Variants in SLIT2 observed in about 807,000 individuals in gnomAD.
The protein encoded by SLIT2 is slit guidance ligand 2, also known as slit homolog 2 protein.
Under a neutral mutation model 185.7 loss-of-function variants are expected in SLIT2, and 41 were observed. The observed-to-expected ratio is 0.22, with a 90% CI of 0.17 to 0.29. The LOEUF (loss-of-function observed/expected upper bound fraction) is 0.29. SLIT2 is among the 10% of genes least tolerant of loss of function. The pLI is 1.00. For synonymous variants in SLIT2, 693 were observed against 680.2 expected, an observed-to-expected ratio of 1.02 and a Z score of -0.29; for missense variants, 1,571 against 1,909.0, an observed-to-expected ratio of 0.82 and a Z score of 3.30.
At chr4:20,419,820 A>G (rs1441928283) in intron 4 of SLIT2, among the ~76,000 whole-genome samples, 2 of 152,002 alleles carry the variant, frequency 1.3e-5, no homozygotes, top group Non-Finnish European at 2.9e-5. Context: ...GAGATCGATG[A>G]TGGTGTGTTT....
chr4:20,267,844 C>T (rs1233902281), intron 3 of SLIT2, among the ~76,000 whole-genome samples: 2 of 151,766 alleles, frequency 1.3e-5, no homozygotes, highest in African/African-American at 4.8e-5. Flanking sequence ...GTGACATTAC[C>T]TTCTGGAACT....
At chr4:20,616,424 C>A (rs1479167748) in intron 34 of SLIT2, 1 of 152,680 alleles carries the variant, frequency 6.5e-6, no homozygotes, top group Non-Finnish European at 1.5e-5. Context: ...AGCATGTCAC[C>A]AGGGCTTTCT....
chr4:20,460,167 A>G (rs1391141173), intron 4 of SLIT2, among the ~76,000 whole-genome samples: 1 of 151,802 alleles, frequency 6.6e-6, no homozygotes, highest in Non-Finnish European at 1.5e-5. Flanking sequence ...CTGGCCATAA[A>G]TATTTTTTCT....
intron 30 of SLIT2, 40 bp downstream of exon 30, chr4:20,589,777 G>A (rs759958415): frequency 2.7e-6 from 4 of 1,466,958 alleles, no homozygotes; most frequent in Non-Finnish European, 3.8e-6. Flanking sequence ...GTCAGGGTAG[G>A]GGACCCATTA....
rs555228730 is a variant in SLIT2, at chr4:20,386,547, C to T, written c.396-81205C>T. Among the ~76,000 whole-genome samples the T allele has an allele frequency of 5.3e-4, 80 of 152,250 alleles. No homozygotes were observed. In the South Asian group the frequency reaches 0.015, roughly 28 times the overall value. On this transcript the variant is annotated intron_variant, in intron 4 of 36. Transcript: ENST00000504154. Reference sequence around the variant, plus strand: ...TGTTGAAATATGGATAATGATGATTCTGCAATAATACCAATGTGCAAGCCT... The same window carrying T: ...TGTTGAAATATGGATAATGATGATTTTGCAATAATACCAATGTGCAAGCCT...
chr4:20,515,197 T>A (rs1720093417), intron 11 of SLIT2, among the ~76,000 whole-genome samples: 1 of 152,166 alleles, frequency 6.6e-6, no homozygotes. Flanking sequence ...AGTTCTTCCA[T>A]CTCTAAAATG....
intron 4 of SLIT2, among the ~76,000 whole-genome samples, chr4:20,423,265 A>G (rs533461667): frequency 4.6e-4 from 70 of 152,240 alleles, no homozygotes; most frequent in South Asian, 8.3e-4. Context: ...AGGCATATTT[A>G]AAAACCAGAA....
At chr4:20,450,958 G>T (rs1250842248) in intron 4 of SLIT2, among the ~76,000 whole-genome samples, 5 of 152,192 alleles carry the variant, frequency 3.3e-5, no homozygotes, top group Non-Finnish European at 7.3e-5. Flanking sequence ...GGCTCAGAAT[G>T]ATCTATCTTA....
chr4:20,490,924 C>G (rs951230381), intron 8 of SLIT2: 2 of 777,722 alleles, frequency 2.6e-6, no homozygotes, highest in Non-Finnish European at 4.3e-6. Flanking sequence ...ACGTCACCAC[C>G]ACTAGGGCCC....
chr4:20,459,966 C>T lies in SLIT2; in HGVS notation c.396-7786C>T, dbSNP rs150655436. ...GCAACCTCTGCCTCCCAGTTTCAAG[C>T]GATTCTCCTGCCTCAGCCTCCCAAG... On this transcript the variant is annotated intron_variant, in intron 4 of 36. Coordinates refer to ENST00000504154, the MANE Select transcript of SLIT2 (RefSeq NM_004787.4). Among the ~76,000 whole-genome samples, 1,016 of 151,026 alleles carry T rather than the reference C, an allele frequency of 6.7e-3. 17 individuals carry two copies. Among genetic ancestry groups the T allele is most frequent in the African/African-American group, 0.023 (937 of 41,084 alleles).
chr4:20,550,371 G>GT lies in SLIT2; in HGVS notation c.2490-456_2490-455insT, dbSNP rs552071638. Among the ~76,000 whole-genome samples, 461 of 150,314 alleles carry GT rather than the reference G, an allele frequency of 3.1e-3. 1 individual carries two copies. The highest frequency in any genetic ancestry group is 0.011 in the African/African-American group (443 of 40,346). On this transcript the variant is annotated intron_variant, in intron 24 of 36. Transcript: ENST00000504154. ...TACTACTTTACTCTATGCTTGCAGG[G>GT]GTTTTTTTTAAATGAAAGAATTAAT... is the stretch of plus-strand genomic sequence containing the variant.
At chr4:20,602,501 A>C (rs759744434) in intron 33 of SLIT2, among the ~76,000 whole-genome samples, 1 of 152,246 alleles carries the variant, frequency 6.6e-6, no homozygotes, top group East Asian at 1.9e-4. Context: ...AGCACCAAGC[A>C]TACAGGCAGT....
chr4:20,353,295 A>C (rs1234066639), intron 4 of SLIT2, among the ~76,000 whole-genome samples: 1 of 152,194 alleles, frequency 6.6e-6, no homozygotes, highest in African/African-American at 2.4e-5. Flanking sequence ...TTTACTTTAA[A>C]GCATGATGAA....
intron 17 of SLIT2, among the ~76,000 whole-genome samples, chr4:20,532,921 C>T (rs532137837): frequency 6.6e-6 from 1 of 152,176 alleles, no homozygotes; most frequent in African/African-American, 2.4e-5. Context: ...TTAAAATATG[C>T]ATAAAAATGA....
chr4:20,291,165 A>G (rs1299452183), intron 4 of SLIT2, among the ~76,000 whole-genome samples: 4 of 152,098 alleles, frequency 2.6e-5, no homozygotes, highest in Non-Finnish European at 5.9e-5. Flanking sequence ...ATACTTTTCC[A>G]AATGAATGAA....
chr4:20,406,083 A>G (rs1374532712), intron 4 of SLIT2, among the ~76,000 whole-genome samples: 1 of 143,492 alleles, frequency 7.0e-6, no homozygotes, highest in Non-Finnish European at 1.6e-5. Flanking sequence ...CTTCTCAATA[A>G]TGGTCCCAGG....
rs1400988065 is a variant in SLIT2, at chr4:20,539,448, A to G, written c.1840A>G (p.Arg614Gly). The G allele has an allele frequency of 2.5e-6, 4 of 1,611,782 alleles. No individual in the cohort carries two copies. The highest frequency in any genetic ancestry group is 3.4e-6 in the Non-Finnish European group (4 of 1,179,160). ...TCCTTTTTTTCCCCTCAGGATGTTG[A>G]GAAGCAATCGAATAACCTGTGTGGG... The part of the protein sequence containing the change: ...GLESLKTLML[R>G]SNRITCVGND... The change falls in exon 19 of 37, where the codon AGA becomes GGA. Residue 614 changes from arginine to glycine, a missense_variant. Coordinates refer to ENST00000504154, the MANE Select transcript of SLIT2 (RefSeq NM_004787.4).
intron 4 of SLIT2, among the ~76,000 whole-genome samples, chr4:20,346,935 C>A (rs1269803860): frequency 6.6e-6 from 1 of 152,114 alleles, no homozygotes; most frequent in East Asian, 1.9e-4. Flanking sequence ...TGGTACCCAC[C>A]CGGATTGAGG....
chr4:20,438,530 C>T (rs1274696156), intron 4 of SLIT2, among the ~76,000 whole-genome samples: 1 of 152,144 alleles, frequency 6.6e-6, no homozygotes, highest in Non-Finnish European at 1.5e-5. Flanking sequence ...GGTTCCCTCC[C>T]ATAACACATG....
Sources: allele counts gnomAD v4.1 joint callset (sites outside exome capture counted in the v4.1 genomes callset), GRCh38; gene constraint gnomAD v4.1.1; transcripts MANE v1.5; gene names NCBI Gene and HGNC (gene_info 2026-07-23, HGNC 2026-07-21).